Variants in ANKS1B observed in about 807,000 individuals in gnomAD.
The protein encoded by ANKS1B is ankyrin repeat and sterile alpha motif domain containing 1B.
In ANKS1B, 36 loss-of-function variants were observed where a neutral mutation model predicts 148.3. The ratio of observed to expected loss-of-function variants is 0.24; its 90% confidence interval spans 0.19 to 0.32. The LOEUF (loss-of-function observed/expected upper bound fraction) is 0.32. Among genes scored for constraint, ANKS1B ranks in the 10% least tolerant of loss-of-function variants. The pLI is 1.00. For missense variants in ANKS1B, 1,157 were observed against 1,542.6 expected (o/e 0.75, Z 4.19); for synonymous variants, 542 against 560.8 (o/e 0.97, Z 0.47).
Position 99,770,397 on chromosome 12 carries a change from G to A in ANKS1B, c.1128+2525C>T, listed in dbSNP as rs997408727. On this transcript the variant is annotated intron_variant, in intron 8 of 26. Coordinates refer to ENST00000683438, the MANE Select transcript of ANKS1B (RefSeq NM_001352186.2). ...ACATGGTAAGAACCATCTGTATTAG[G>A]TGACCTATATTAGGTGACCTGTACT... Among the ~76,000 whole-genome samples the A allele has an allele frequency of 1.8e-4, 28 of 152,096 alleles. No homozygotes were observed. In the South Asian group the frequency reaches 2.3e-3, roughly 12 times the overall value.
chr12:99,869,536 C>T (rs1156377182), intron 1 of ANKS1B, among the ~76,000 whole-genome samples: 1 of 151,892 alleles, frequency 6.6e-6, no homozygotes, highest in Non-Finnish European at 1.5e-5. Context: ...ACAAAATTAG[C>T]CAGGCGTGCT....
At chr12:98,867,536 A>C (rs1213783679) in intron 17 of ANKS1B, among the ~76,000 whole-genome samples, 1 of 152,210 alleles carries the variant, frequency 6.6e-6, no homozygotes, top group Non-Finnish European at 1.5e-5. Flanking sequence ...TTCTTTCATA[A>C]ACTTCTTAGA....
At chr12:99,319,139 T>C (rs2084738115) in intron 12 of ANKS1B, among the ~76,000 whole-genome samples, 1 of 152,212 alleles carries the variant, frequency 6.6e-6, no homozygotes, top group Non-Finnish European at 1.5e-5. Context: ...CTAAGAAGAA[T>C]GTATATTCTC....
At chr12:99,174,912 T>TTC (rs1001424154) in intron 14 of ANKS1B, among the ~76,000 whole-genome samples, 5 of 152,196 alleles carry the variant, frequency 3.3e-5, no homozygotes, top group African/African-American at 1.2e-4. Context: ...TAATATTTTA[T>TTC]TCTCTCTATA....
At chr12:99,920,967 A>G (rs933226123) in intron 1 of ANKS1B, among the ~76,000 whole-genome samples, 4 of 152,194 alleles carry the variant, frequency 2.6e-5, no homozygotes, top group African/African-American at 9.6e-5. Flanking sequence ...TTATCTGGTC[A>G]TTCTTTAGTC....
At chr12:98,972,592 G>A (rs773609636) in intron 17 of ANKS1B, among the ~76,000 whole-genome samples, 26 of 152,238 alleles carry the variant, frequency 1.7e-4, no homozygotes, top group African/African-American at 5.5e-4. Flanking sequence ...GGCTTCCGAC[G>A]CCACTTTCTA....
At chr12:99,132,569 A>G in intron 15 of ANKS1B, among the ~76,000 whole-genome samples, 1 of 152,188 alleles carries the variant, frequency 6.6e-6, no homozygotes, top group East Asian at 1.9e-4. Flanking sequence ...AGGTGACTTT[A>G]TATTGAAGGT....
At chr12:99,344,819 G>A (rs1195885698) in intron 12 of ANKS1B, 1 of 151,724 alleles carries the variant, frequency 6.6e-6, no homozygotes, top group Non-Finnish European at 1.5e-5. Flanking sequence ...AGTCTGCTGT[G>A]GAAGTGCTAA....
chr12:99,605,988 C>T (rs1010161348), intron 9 of ANKS1B, among the ~76,000 whole-genome samples: 2 of 152,074 alleles, frequency 1.3e-5, no homozygotes, highest in African/African-American at 4.8e-5. Context: ...CATGTCCTCA[C>T]CAGCATTTGT....
At chr12:99,875,948 G>A (rs1431420222) in intron 1 of ANKS1B, among the ~76,000 whole-genome samples, 1 of 152,170 alleles carries the variant, frequency 6.6e-6, no homozygotes, top group East Asian at 1.9e-4. Context: ...ATTATACACG[G>A]ATTTTAAGGT....
chr12:99,023,568 G>A (rs1217300237), intron 17 of ANKS1B, among the ~76,000 whole-genome samples: 1 of 151,780 alleles, frequency 6.6e-6, no homozygotes, highest in Non-Finnish European at 1.5e-5. Context: ...TGTCTTTGAT[G>A]TTCTGTGTTT....
intron 2 of ANKS1B, among the ~76,000 whole-genome samples, chr12:99,812,552 CACACACAGAGAG>C (rs1250045143): frequency 0.021 from 1,806 of 86,808 alleles, 34 homozygotes; most frequent in South Asian, 0.093. Context: ...CACACACACA[CACACACAGAGAG>C]AGAGAGAGAG....
chr12:99,127,945 T>C (rs923593054), intron 15 of ANKS1B, among the ~76,000 whole-genome samples: 2 of 152,218 alleles, frequency 1.3e-5, no homozygotes, highest in African/African-American at 2.4e-5. Context: ...AAAGACACAA[T>C]GTGCAAACCA....
intron 10 of ANKS1B, among the ~76,000 whole-genome samples, chr12:99,454,435 T>G (rs1206353998): frequency 1.3e-5 from 2 of 151,680 alleles, no homozygotes; most frequent in Non-Finnish European, 2.9e-5. Context: ...AATAAGAACT[T>G]TGGTCTTATC....
Position 98,948,947 on chromosome 12 carries a change from C to CTTTTTTTT in ANKS1B, c.2778+104202_2778+104209dup, listed in dbSNP as rs869145338. 4.0e-4 allele frequency among the ~76,000 whole-genome samples: 34 copies of CTTTTTTTT among 84,860 alleles called. 6 individuals are homozygous for CTTTTTTTT. Among genetic ancestry groups the CTTTTTTTT allele is most frequent in the African/African-American group, 1.6e-3 (24 of 14,734 alleles). 55.7% of individuals were successfully genotyped at this position (84,860 alleles called of 152,430 possible). On this transcript the variant is annotated intron_variant, in intron 17 of 26. Transcript: ENST00000683438. ...AGGGGTGAGATATGAGCATGAGCTA[C>CTTTTTTTT]TTTTTTTTTTTTTTTTTTTTTTTGA...
chr12:99,170,930 C>T (rs2077687722), intron 14 of ANKS1B, among the ~76,000 whole-genome samples: 1 of 152,140 alleles, frequency 6.6e-6, no homozygotes, highest in East Asian at 1.9e-4. Context: ...GTTATTTTAA[C>T]ATATTTTAAA....
At chr12:98,930,113 A>T (rs1291399847) in intron 17 of ANKS1B, among the ~76,000 whole-genome samples, 1 of 152,168 alleles carries the variant, frequency 6.6e-6, no homozygotes, top group Non-Finnish European at 1.5e-5. Flanking sequence ...ACCCAATTTT[A>T]AAATGGGCAA....
At chr12:99,054,307 A>T (rs527245481) in intron 16 of ANKS1B, among the ~76,000 whole-genome samples, 4 of 152,344 alleles carry the variant, frequency 2.6e-5, no homozygotes, top group African/African-American at 9.6e-5. Context: ...TTTGATTCAA[A>T]GAGATAAATA....
intron 8 of ANKS1B, among the ~76,000 whole-genome samples, chr12:99,732,691 A>G (rs1383018787): frequency 6.6e-6 from 1 of 152,184 alleles, no homozygotes; most frequent in Non-Finnish European, 1.5e-5. Flanking sequence ...ACATTTTTCA[A>G]ACTCACCCAA....
Sources: allele counts gnomAD v4.1 joint callset (sites outside exome capture counted in the v4.1 genomes callset), GRCh38; gene constraint gnomAD v4.1.1; transcripts MANE v1.5; gene names NCBI Gene and HGNC (gene_info 2026-07-23, HGNC 2026-07-21).